Variants in ATP10B observed in about 807,000 individuals in gnomAD.
ATP10B encodes ATPase phospholipid transporting 10B (putative), also known as phospholipid-transporting ATPase VB.
ATP10B carries 122 observed loss-of-function variants against 141.2 expected under a neutral mutation model. That is an observed-to-expected ratio of 0.86 (90% CI 0.75 to 1.00). ATP10B has a LOEUF of 1.00. Among genes scored for constraint, ATP10B ranks in the 50% least tolerant of loss-of-function variants. The probability of loss-of-function intolerance (pLI) is 0.00; values close to 1 mark genes in which losing one functional copy is unlikely to be tolerated. For synonymous variants in ATP10B, 685 were observed against 692.0 expected (o/e 0.99, Z 0.16); for missense variants, 1,876 against 1,825.3 (o/e 1.03, Z -0.51).
chr5:160,861,288 T>C, the ATP10B span, among the ~76,000 whole-genome samples: 10 of 150,172 alleles, frequency 6.7e-5, no homozygotes, highest in African/African-American at 2.5e-4. Context: ...CTACCTACCA[T>C]AATTCTCTTT....
At chr5:160,589,521 A>C (rs1209236788) in intron 24 of ATP10B, 71 bp downstream of exon 24, 34 of 1,201,958 alleles carry the variant, frequency 2.8e-5, no homozygotes, top group Non-Finnish European at 4.2e-5. Flanking sequence ...GAATGAAACA[A>C]TTCAGAAATT....
intron 2 of ATP10B, among the ~76,000 whole-genome samples, chr5:160,749,395 T>A (rs1227123623): frequency 6.6e-6 from 1 of 151,980 alleles, no homozygotes; most frequent in Admixed American, 6.6e-5. Flanking sequence ...AAGAAGGAGC[T>A]GGGGGGTTCA....
the ATP10B span, among the ~76,000 whole-genome samples, chr5:160,886,889 A>T: frequency 6.6e-6 from 1 of 152,188 alleles, no homozygotes; most frequent in East Asian, 1.9e-4. Flanking sequence ...TAAAAGAAAT[A>T]CTTTCCTTGA....
At chr5:160,756,794 C>T (rs1357808987) in intron 2 of ATP10B, among the ~76,000 whole-genome samples, 1 of 151,802 alleles carries the variant, frequency 6.6e-6, no homozygotes, top group South Asian at 2.1e-4. Context: ...CATCATTCTT[C>T]CCTATTTTTT....
intron 9 of ATP10B, among the ~76,000 whole-genome samples, chr5:160,642,989 T>C (rs1759984055): frequency 1.3e-5 from 2 of 151,920 alleles, no homozygotes; most frequent in South Asian, 2.1e-4. Context: ...TCTAAATCTA[T>C]GTGATTATGA....
At chr5:160,760,171 C>G (rs1376573766) in intron 2 of ATP10B, among the ~76,000 whole-genome samples, 6 of 152,154 alleles carry the variant, frequency 3.9e-5, no homozygotes. Context: ...ACCTTGATAC[C>G]CTCAGAATAT....
the ATP10B span, among the ~76,000 whole-genome samples, chr5:160,909,788 A>G: frequency 6.6e-6 from 1 of 152,232 alleles, no homozygotes; most frequent in Non-Finnish European, 1.5e-5. Flanking sequence ...ATTAGGAGAA[A>G]GAACTCGGGA....
chr5:160,589,062 A>T (rs1756099396), intron 24 of ATP10B, among the ~76,000 whole-genome samples: 1 of 152,032 alleles, frequency 6.6e-6, no homozygotes, highest in Non-Finnish European at 1.5e-5. Flanking sequence ...CCCAGGCTGG[A>T]GTGTGGTGGC....
At chr5:160,849,054 G>T (rs1380713970) in intron 1 of ATP10B, among the ~76,000 whole-genome samples, 1 of 152,168 alleles carries the variant, frequency 6.6e-6, no homozygotes, top group Non-Finnish European at 1.5e-5. Context: ...AGGGCCTGAG[G>T]TTTTGCCCTT....
chr5:160,633,288 T>C (rs1759069663), intron 12 of ATP10B: 1 of 152,220 alleles, frequency 6.6e-6, no homozygotes, highest in Admixed American at 6.5e-5. Context: ...CTGTTCACAA[T>C]AGCAAAGACT....
intron 1 of ATP10B, among the ~76,000 whole-genome samples, chr5:160,786,009 G>T (rs1038349324): frequency 3.9e-5 from 6 of 152,098 alleles, no homozygotes; most frequent in African/African-American, 1.4e-4. Flanking sequence ...TACTTTATCT[G>T]CCACCATACA....
chr5:160,593,891 A>G (rs1756498269), intron 22 of ATP10B, among the ~76,000 whole-genome samples: 1 of 152,204 alleles, frequency 6.6e-6, no homozygotes, highest in African/African-American at 2.4e-5. Context: ...ATGTGAAAAG[A>G]CCAAATCTAC....
At chr5:160,866,440 G>A in the ATP10B span, among the ~76,000 whole-genome samples, 1 of 152,130 alleles carries the variant, frequency 6.6e-6, no homozygotes, top group Non-Finnish European at 1.5e-5. Context: ...TTGGGAGGCT[G>A]AGGCAGGTGG....
intron 3 of ATP10B, among the ~76,000 whole-genome samples, chr5:160,708,031 T>C (rs1765121031): frequency 6.6e-6 from 1 of 152,176 alleles, no homozygotes; most frequent in Non-Finnish European, 1.5e-5. Context: ...CCCCTCTTCA[T>C]TAAACCTCAA....
chr5:160,569,330 G>T (rs574290824), intron 25 of ATP10B, among the ~76,000 whole-genome samples, 166 bp downstream of exon 25: 7 of 152,134 alleles, frequency 4.6e-5, no homozygotes, highest in Non-Finnish European at 8.8e-5. Flanking sequence ...CATGTTATTT[G>T]CCTCCTTTGT....
the ATP10B span, among the ~76,000 whole-genome samples, chr5:160,867,357 C>G: frequency 3.9e-5 from 6 of 152,022 alleles, no homozygotes; most frequent in African/African-American, 1.2e-4. Flanking sequence ...ACTTACTTAC[C>G]TAGCTATAGC....
chr5:160,787,417 G>T (rs1771252156), intron 1 of ATP10B, among the ~76,000 whole-genome samples: 1 of 152,046 alleles, frequency 6.6e-6, no homozygotes, highest in Admixed American at 6.6e-5. Context: ...ACCTGTTATT[G>T]TTGGCTAAGC....
At chr5:160,646,822 C>T (rs1036392337) in intron 8 of ATP10B, among the ~76,000 whole-genome samples, 8 of 152,160 alleles carry the variant, frequency 5.3e-5, no homozygotes, top group East Asian at 1.9e-4. Context: ...GTCTATTTAG[C>T]GCTCTTGGTT....
intron 2 of ATP10B, among the ~76,000 whole-genome samples, chr5:160,778,450 C>T (rs138415754): frequency 1.3e-5 from 2 of 152,140 alleles, no homozygotes; most frequent in African/African-American, 4.8e-5. Context: ...TTCAAAAACT[C>T]ATAATAGAGC....
Sources: allele counts gnomAD v4.1 joint callset (sites outside exome capture counted in the v4.1 genomes callset), GRCh38; gene constraint gnomAD v4.1.1; transcripts MANE v1.5; gene names NCBI Gene and HGNC (gene_info 2026-07-23, HGNC 2026-07-21).